Variants in FBN3 observed in about 807,000 individuals in gnomAD.
The protein encoded by FBN3 is fibrillin 3.
In FBN3, 234 loss-of-function variants were observed where a neutral mutation model predicts 330.1. The observed-to-expected ratio is 0.71, with a 90% CI of 0.64 to 0.79. The LOEUF (loss-of-function observed/expected upper bound fraction) is 0.79, where lower values mean the gene tolerates loss of function less well. Ranked by LOEUF, FBN3 falls within the 30% of genes least tolerant of loss-of-function variation. The probability of loss-of-function intolerance (pLI) is 0.00; values close to 1 mark genes in which losing one functional copy is unlikely to be tolerated. For missense variants in FBN3, 3,606 were observed against 3,886.9 expected, an observed-to-expected ratio of 0.93 and a Z score of 1.92; for synonymous variants, 1,458 against 1,517.3, an observed-to-expected ratio of 0.96 and a Z score of 0.91.
At chr19:8,142,241 C>T (rs1361472035) in intron 6 of FBN3, 104 bp from the exon 7 acceptor site, 5 of 862,998 alleles carry the variant, frequency 5.8e-6, no homozygotes, top group Non-Finnish European at 8.9e-6. Flanking sequence ...ACAGACCAGG[C>T]TTTACTTATG....
At chr19:8,093,887 G>A (rs2082154154) in intron 47 of FBN3, among the ~76,000 whole-genome samples, 1 of 152,190 alleles carries the variant, frequency 6.6e-6, no homozygotes, top group Non-Finnish European at 1.5e-5. Flanking sequence ...TGGAAGCCTG[G>A]ATCAGAGGTA....
At chr19:8,107,881 T>C (rs2082483955) in intron 37 of FBN3, among the ~76,000 whole-genome samples, 1 of 151,024 alleles carries the variant, frequency 6.6e-6, no homozygotes, top group Admixed American at 6.6e-5. Flanking sequence ...GATGGAAGGA[T>C]GGGTGGATGG....
At chr19:8,071,177 CTG>C (rs1466840595) in intron 63 of FBN3, among the ~76,000 whole-genome samples, 1 of 152,168 alleles carries the variant, frequency 6.6e-6, no homozygotes, top group Non-Finnish European at 1.5e-5. Context: ...GGCTGCAGGA[CTG>C]ACCCATAGTC....
chr19:8,132,979 C>A lies in FBN3; in HGVS notation c.1714+5G>T, dbSNP rs759763693. The A allele has an allele frequency of 6.5e-7, 1 of 1,550,010 alleles. No homozygotes were observed. The highest frequency in any genetic ancestry group is 1.2e-5 in the South Asian group (1 of 84,438). On this transcript the variant is annotated splice_donor_5th_base_variant and intron_variant, in intron 14 of 63. Coordinates refer to ENST00000600128, the MANE Select transcript of FBN3 (RefSeq NM_032447.5). ...CTCCGCTGGCCAGTCTGGCTCCAGG[C>A]TCACCCATGCAGTAGTGGCCGCCAG...
Position 8,073,002 on chromosome 19 carries a change from T to TGTGTGTGTGC in FBN3, c.7937+60_7937+61insGCACACACAC, listed in dbSNP as rs763385469. 8.6e-6 allele frequency: 8 copies of TGTGTGTGTGC among 930,820 alleles called. No homozygotes were observed. In the African/African-American group the frequency reaches 1.3e-4, roughly 15 times the overall value. 57.7% of individuals were successfully genotyped at this position (930,820 alleles called of 1,614,324 possible). A position where few individuals can be genotyped will look rare whatever the true frequency, so the allele number is the denominator to read the frequency against. ...GTGTGTGTGTGTGTGTGTGTGTGTG[T>TGTGTGTGTGC]GCGTGCGTGCATGGACGCTTGCGGG... On this transcript the variant is annotated intron_variant, in intron 62 of 63. Transcript: ENST00000600128.
Position 8,088,131 on chromosome 19 carries a change from G to C in FBN3, c.6425C>G (p.Thr2142Ser). Residue 2142 changes from threonine to serine, a missense_variant, in exon 52 of 64, where the codon ACC becomes AGC. Transcript: ENST00000600128. ...VGHPCGQGTC[T>S]NVIGGFECAC... ...ACATTCGAAGCCTCCGATGACATTG[G>C]TGCATGTCCCTTGCCCACAGGGGTG... 6.2e-7 allele frequency: 1 copy of C among 1,613,662 alleles called. No homozygotes were observed. Among genetic ancestry groups the C allele is most frequent in the South Asian group, 1.1e-5 (1 of 91,040 alleles).
intron 39 of FBN3, 31 bp from the exon 40 acceptor site, chr19:8,102,904 G>A: frequency 6.2e-7 from 1 of 1,611,080 alleles, no homozygotes; most frequent in Non-Finnish European, 8.5e-7. Context: ...AAGAATGTGG[G>A]TAAGGGTCAC....
intron 42 of FBN3, 107 bp from the exon 43 acceptor site, chr19:8,097,113 C>G (rs550578788): frequency 6.6e-7 from 1 of 1,517,644 alleles, no homozygotes; most frequent in Admixed American, 1.8e-5. Flanking sequence ...TCTCTGGAAG[C>G]AGCCAGAGCT....
chr19:8,124,946 C>G (rs886557783), intron 22 of FBN3, among the ~76,000 whole-genome samples: 4 of 152,192 alleles, frequency 2.6e-5, no homozygotes, highest in African/African-American at 9.7e-5. Flanking sequence ...CAAGGGTAAA[C>G]CCTAAGGTGC....
At chr19:8,072,015 G>C (rs1372340347) in intron 63 of FBN3, 33 bp downstream of exon 63, 2 of 1,591,988 alleles carry the variant, frequency 1.3e-6, no homozygotes, top group South Asian at 1.1e-5. Flanking sequence ...CCCATTCCCT[G>C]GCCACCCCTG....
At chr19:8,086,434 T>C (rs2081960562) in intron 54 of FBN3, 109 bp from the exon 55 acceptor site, 1 of 426,718 alleles carries the variant, frequency 2.3e-6, no homozygotes, top group Admixed American at 4.7e-5. Context: ...TGCTTATTTT[T>C]ATTTTATTTA....
intron 62 of FBN3, 63 bp from the exon 63 acceptor site, chr19:8,072,261 C>T (rs769807083): frequency 2.3e-5 from 34 of 1,449,316 alleles, no homozygotes; most frequent in Admixed American, 9.3e-5. Flanking sequence ...TCCCCAGCCA[C>T]GCCGCTCCAC....
chr19:8,143,793 T>C (rs2083469410), intron 6 of FBN3, among the ~76,000 whole-genome samples: 1 of 116,002 alleles, frequency 8.6e-6, no homozygotes, highest in African/African-American at 3.3e-5. Flanking sequence ...GTGCCTGGCC[T>C]CTTTTCTTTC....
chr19:8,068,241 A>T (rs1360488373), intron 63 of FBN3, among the ~76,000 whole-genome samples: 1 of 150,418 alleles, frequency 6.6e-6, no homozygotes, highest in African/African-American at 2.5e-5. Context: ...AAAAAAAAAA[A>T]TTAGCTAGGC....
chr19:8,109,812 T>A lies in FBN3; in HGVS notation c.4334-59A>T. On this transcript the variant is annotated intron_variant, in intron 34 of 63. Coordinates refer to ENST00000600128, the MANE Select transcript of FBN3 (RefSeq NM_032447.5). This position sits in a 1 kb window ranked among gnomAD's most constrained non-coding sequence, Gnocchi z 5.2. ...CCCCTTCCTCGGCCCCCCTCCCTCCTAGCTTCATCCTGGGAAGCTACAGCC... is the reference window on the plus strand; with the variant it reads ...CCCCTTCCTCGGCCCCCCTCCCTCCAAGCTTCATCCTGGGAAGCTACAGCC... The A allele has an allele frequency of 7.0e-7, 1 of 1,437,276 alleles. No individual in the cohort carries two copies. The highest frequency in any genetic ancestry group is 9.1e-7 in the Non-Finnish European group (1 of 1,094,300). The allele number at this position is 1,437,276 out of a possible 1,614,324, so 89.0% of individuals were successfully genotyped here.
intron 38 of FBN3, among the ~76,000 whole-genome samples, chr19:8,104,838 A>G (rs1454429247): frequency 6.6e-6 from 1 of 152,128 alleles, no homozygotes; most frequent in Admixed American, 6.5e-5. Context: ...CTCCAAGGAA[A>G]TTTTATTTAT....
Position 8,090,176 on chromosome 19 carries a change from TTGG to T in FBN3, c.6104_6106del (p.Thr2035del). ...CCTCTTACTGCAGCAGCAGCGGGTC[TTGG>T]TGGTGTTGAAAGCTTTGGGCACCGA... On this transcript the variant is annotated inframe_deletion, in exon 49 of 64. Coordinates refer to ENST00000600128, the MANE Select transcript of FBN3 (RefSeq NM_032447.5). The T allele has an allele frequency of 6.2e-7, 1 of 1,614,060 alleles. No individual in the cohort carries two copies. The highest frequency in any genetic ancestry group is 8.5e-7 in the Non-Finnish European group (1 of 1,179,988).
In FBN3 at chr19:8,095,968, A is replaced by G. The variant is rs767411069; in HGVS notation, c.5652T>C (p.Cys1884=). The stretch of plus-strand genomic sequence containing the variant: ...CTGCCACCTGAGCCGACTCACCCAC[A>G]CAATCCCCATTGTGTGTCACCACAA... The part of the protein sequence containing the change: ...PGFVVTHNGD[C]VDFDECTTLV... The change falls in exon 45 of 64, where the codon TGT becomes TGC. Residue 1884 remains cysteine, a synonymous_variant. Coordinates refer to ENST00000600128, the MANE Select transcript of FBN3 (RefSeq NM_032447.5). The G allele has an allele frequency of 1.9e-6, 3 of 1,609,588 alleles. No homozygotes were observed. In the East Asian group the frequency reaches 6.7e-5, roughly 36 times the overall value.
At position 8,138,513 on chromosome 19, in the gene FBN3, C is replaced by G. The variant is rs1006156277; in HGVS notation, c.917G>C (p.Gly306Ala). ...GCGAGTGTAGTGGCCGGCGAGGTCTCCAGCACAGCGGCCCCCGAAAAGCAC... is the reference window on the plus strand; with the variant it reads ...GCGAGTGTAGTGGCCGGCGAGGTCTGCAGCACAGCGGCCCCCGAAAAGCAC... ...FSVLFGGRCA[G>A]DLAGHYTRRQ... The change falls in exon 9 of 64, where the codon GGA becomes GCA. Residue 306 changes from glycine (G) to alanine (A), a missense_variant. Transcript: ENST00000600128. The G allele has an allele frequency of 3.1e-6, 5 of 1,612,548 alleles. No homozygotes were observed. The African/African-American group carries it at 4.0e-5, about 13-fold the overall frequency.
Sources: allele counts gnomAD v4.1 joint callset (sites outside exome capture counted in the v4.1 genomes callset), GRCh38; gene constraint gnomAD v4.1.1; non-coding constraint Gnocchi (gnomAD v3.1); transcripts MANE v1.5; gene names NCBI Gene and HGNC (gene_info 2026-07-23, HGNC 2026-07-21).